The following MYOM3 variants were observed in gnomAD, a reference collection of about 807,000 sequenced individuals.
The protein encoded by MYOM3 is myomesin 3.
MYOM3 carries 155 observed loss-of-function variants against 191.7 expected under a neutral mutation model. The ratio of observed to expected loss-of-function variants is 0.81; its 90% CI spans 0.71 to 0.92. The LOEUF (loss-of-function observed/expected upper bound fraction) is 0.92, where lower values mean the gene tolerates loss of function less well. MYOM3 is among the 40% of genes least tolerant of loss of function. The pLI is 0.00. For synonymous variants in MYOM3, 757 were observed against 762.9 expected (o/e 0.99, Z 0.13); for missense variants, 1,889 against 1,890.6 (o/e 1.00, Z 0.02).
chr1:24,078,935 A>T (rs886212258), intron 20 of MYOM3, among the ~76,000 whole-genome samples: 3 of 152,192 alleles, frequency 2.0e-5, no homozygotes, highest in Non-Finnish European at 4.4e-5. Context: ...TACCTCCTGC[A>T]TGTGTGGAAG....
At chr1:24,066,477 C>T (rs1452826494) in intron 28 of MYOM3, 2 of 536,278 alleles carry the variant, frequency 3.7e-6, no homozygotes, top group Non-Finnish European at 6.7e-6. Flanking sequence ...CACCCACCCT[C>T]CCCTTCCCCA....
intron 15 of MYOM3, among the ~76,000 whole-genome samples, chr1:24,086,060 C>T (rs1208757838): frequency 6.6e-6 from 1 of 151,924 alleles, no homozygotes; most frequent in African/African-American, 2.4e-5. Flanking sequence ...AGGTGGGAGC[C>T]CTGGGAAGCT....
rs1643362957 is a variant in MYOM3 at position 24,060,985 on chromosome 1, A to T, written c.3994+75T>A. On this transcript the variant is annotated intron_variant, in intron 35 of 36. Coordinates refer to ENST00000374434, the MANE Select transcript of MYOM3 (RefSeq NM_152372.4). ...TGTGGAATGAGGCCTTCAGCAGCCC[A>T]CCAAGAGGGTTGAGCTTCCAGGAAG... 11 of 1,572,664 alleles carry T rather than the reference A, an allele frequency of 7.0e-6. No individual in the cohort carries two copies. The Admixed American group carries it at 1.7e-4, about 24-fold the overall frequency.
rs1643713021 is a variant in MYOM3, at chr1:24,084,586, C to T, written c.1852G>A (p.Val618Ile). 3.7e-6 allele frequency: 6 copies of T among 1,614,050 alleles called. No homozygotes were observed. The highest frequency in any genetic ancestry group is 5.1e-6 in the Non-Finnish European group (6 of 1,180,016). ...VQAFRDTQTS[V>I]SLTWDPVKDP... ...TTCACAGGATCCCATGTCAGGGAGA[C>T]AGAGGTCTGTGTGTCTCTGAAAGCT... The change falls in exon 16 of 37, where the codon GTC becomes ATC. Residue 618 changes from valine (V) to isoleucine (I), a missense_variant. By Grantham distance (29) the Val-to-Ile change is conservative. Transcript: ENST00000374434.
intron 10 of MYOM3, 117 bp downstream of exon 10, chr1:24,092,830 T>G: frequency 9.6e-7 from 1 of 1,044,516 alleles, no homozygotes; most frequent in Non-Finnish European, 1.3e-6. Flanking sequence ...GATTTTATGG[T>G]AGAGAAATTG....
chr1:24,063,981 T>C lies in MYOM3; in HGVS notation c.3622+91A>G. On this transcript the variant is annotated intron_variant, in intron 30 of 36. Coordinates refer to ENST00000374434, the MANE Select transcript of MYOM3 (RefSeq NM_152372.4). This position sits in a 1 kb window ranked among gnomAD's most constrained non-coding sequence, Gnocchi z 4.5. ...TGTGCCTCAATTTCTCCAAGTGACA[T>C]GGGGATCCCATAAATCTTACTGCAC... The C allele has an allele frequency of 2.1e-6, 2 of 958,876 alleles. No homozygotes were observed. The highest frequency in any genetic ancestry group is 3.2e-6 in the Non-Finnish European group (2 of 618,740). 59.4% of individuals were successfully genotyped at this position (958,876 alleles called of 1,614,324 possible). A position where few individuals can be genotyped will look rare whatever the true frequency, so the allele number is the denominator to read the frequency against.
intron 19 of MYOM3, 88 bp from the exon 20 acceptor site, chr1:24,080,282 C>G: frequency 3.8e-6 from 4 of 1,043,296 alleles, no homozygotes; most frequent in Non-Finnish European, 5.6e-6. Context: ...AGTCAGTCAA[C>G]AAGCTTGTCA....
chr1:24,090,392 C>A (rs924923143), intron 12 of MYOM3, among the ~76,000 whole-genome samples: 1 of 152,174 alleles, frequency 6.6e-6, no homozygotes, highest in Non-Finnish European at 1.5e-5. Flanking sequence ...GGGCACCCTG[C>A]CACGGTGGAG....
intron 18 of MYOM3, 174 bp from the exon 19 acceptor site, chr1:24,081,630 A>G: frequency 2.8e-6 from 2 of 723,492 alleles, no homozygotes; most frequent in Non-Finnish European, 2.2e-6. Flanking sequence ...TGGCATGAAC[A>G]TGGCTCACTG....
intron 28 of MYOM3, chr1:24,066,282 G>A (rs752020452): frequency 1.4e-5 from 10 of 712,618 alleles, no homozygotes; most frequent in Non-Finnish European, 2.3e-5. Flanking sequence ...CCTCCATCAC[G>A]ATTCATCAAT....
intron 26 of MYOM3, 79 bp from the exon 27 acceptor site, chr1:24,068,108 C>G (rs553557689): frequency 5.9e-5 from 88 of 1,481,218 alleles, no homozygotes; most frequent in Non-Finnish European, 7.8e-5. Context: ...GGACAGAAGT[C>G]GAGGGGGCTG....
In MYOM3 at chr1:24,092,252, T is replaced by C; in HGVS notation, c.1154A>G (p.Asn385Ser). 1 of 1,413,708 alleles carries C rather than the reference T, an allele frequency of 7.1e-7. No homozygotes were observed. Among genetic ancestry groups the C allele is most frequent in the Non-Finnish European group, 9.3e-7 (1 of 1,074,640 alleles). The allele number at this position is 1,413,708 out of a possible 1,614,324, so 87.6% of individuals were successfully genotyped here. A position where few individuals can be genotyped will look rare whatever the true frequency, so the allele number is the denominator to read the frequency against. Residue 385 changes from asparagine to serine, a missense_variant, in exon 11 of 37, where the codon AAC (asparagine) becomes AGC (serine). Physicochemically the swap from Asn to Ser is conservative, Grantham distance 46. Transcript: ENST00000374434. ...CCAAGTCAGGATGAGGCAGTCTCTG[T>C]TCACATCCAGGCATCGGACGTTCAG... The part of the protein sequence containing the change: ...SPLNVRCLDV[N>S]RDCLILTWAP...
rs1643791544 is a variant in MYOM3 at position 24,089,678 on chromosome 1, T to A, written c.1487-13A>T. On this transcript the variant is annotated splice_polypyrimidine_tract_variant and intron_variant, in intron 13 of 36. Transcript: ENST00000374434. ...ATGGTCACAGTATCTGAAATCAGAG[T>A]CACCCGGGACCGAGATGGTTGGACC... The A allele has an allele frequency of 2.5e-6, 4 of 1,568,954 alleles. No homozygotes were observed. The highest frequency in any genetic ancestry group is 3.5e-6 in the Non-Finnish European group (4 of 1,156,692).
At position 24,075,372 on chromosome 1, in the gene MYOM3, G is replaced by A. The variant is rs1643583668; in HGVS notation, c.2805C>T (p.Asp935=). ...TCTGGGGGTCCAGTGGGCCCTTGTAGTCTTTGGACCACTGAAACTCTGAGG... is the reference window on the plus strand; with the variant it reads ...TCTGGGGGTCCAGTGGGCCCTTGTAATCTTTGGACCACTGAAACTCTGAGG... ...PDSSEFQWSK[D]YKGPLDPQRV... is the part of the protein sequence containing the mutation. The change falls in exon 22 of 37, where the codon GAC becomes GAT. Residue 935 remains aspartate, a synonymous_variant. Coordinates refer to ENST00000374434, the MANE Select transcript of MYOM3 (RefSeq NM_152372.4). 1.2e-6 allele frequency: 2 copies of A among 1,613,006 alleles called. No homozygotes were observed. The highest frequency in any genetic ancestry group is 1.7e-6 in the Non-Finnish European group (2 of 1,179,824).
In MYOM3 at chr1:24,063,428, G is replaced by A; in HGVS notation, c.3661+64C>T. The A allele has an allele frequency of 1.9e-6, 3 of 1,593,724 alleles. No individual in the cohort carries two copies. Among genetic ancestry groups the A allele is most frequent in the African/African-American group, 1.3e-5 (1 of 74,614 alleles). ...CCCCCAATAGCCAAGGCCAGTGTTA[G>A]GCTGCTTGGAGGCTGTTGGGCATCA... On this transcript the variant is annotated intron_variant, in intron 31 of 36. Coordinates refer to ENST00000374434, the MANE Select transcript of MYOM3 (RefSeq NM_152372.4). This position sits in a 1 kb window ranked among gnomAD's most constrained non-coding sequence, Gnocchi z 4.5.
chr1:24,104,008 A>G lies in MYOM3; in HGVS notation c.560+1912T>C, dbSNP rs532722765. The stretch of plus-strand genomic sequence containing the variant: ...TCCTACCCTCTAGGCCAGCTGAAAG[A>G]GTTATGCGCTTAGAGGCAGGAGACC... On this transcript the variant is annotated intron_variant, in intron 5 of 36. Coordinates refer to ENST00000374434, the MANE Select transcript of MYOM3 (RefSeq NM_152372.4). Among the ~76,000 whole-genome samples, 32 of 152,282 alleles carry G rather than the reference A, an allele frequency of 2.1e-4. No homozygotes were observed. The South Asian group carries it at 6.4e-3, about 31-fold the overall frequency.
Position 24,090,884 on chromosome 1 carries a change from C to T in MYOM3, c.1345G>A (p.Ala449Thr), listed in dbSNP as rs202222369. 67 of 1,614,040 alleles carry T rather than the reference C, an allele frequency of 4.2e-5. No homozygotes were observed. The highest frequency in any genetic ancestry group is 5.7e-5 in the Non-Finnish European group (67 of 1,180,016). The change falls in exon 12 of 37, where the codon GCC becomes ACC. Residue 449 changes from alanine to threonine, a missense_variant. Ala to Thr is a moderately conservative substitution (Grantham distance 58). Transcript: ENST00000374434. ...ACGCTGCTGCCTACCCTGCTGATGG[C>T]TCTCACCCGGAACCGATAGCTCTGA... ...EGQSYRFRVR[A>T]ISRVGSSVPS... is the part of the protein sequence containing the mutation.
intron 2 of MYOM3, 108 bp from the exon 3 acceptor site, chr1:24,108,181 G>A: frequency 9.6e-7 from 1 of 1,046,542 alleles, no homozygotes; most frequent in Non-Finnish European, 1.4e-6. Context: ...AGCAGGCAGG[G>A]CTGTGCCTCC....
At position 24,111,070 on chromosome 1, in the gene MYOM3, AAT is replaced by A. The variant is rs1644034561; in HGVS notation, c.-19+959_-19+960del. Among the ~76,000 whole-genome samples the A allele has an allele frequency of 6.6e-6, 1 of 152,200 alleles. No homozygotes were observed. The highest frequency in any genetic ancestry group is 1.5e-5 in the Non-Finnish European group (1 of 68,034). The stretch of plus-strand genomic sequence containing the variant: ...CCCTGGCTTTAGCGGATGAGCTACC[AAT>A]TCTTTTTAAAGCACTGACTGATGCG... On this transcript the variant is annotated intron_variant, in intron 1 of 36. Transcript: ENST00000374434. The surrounding 1 kb of genome is among the most constrained non-coding windows in gnomAD (Gnocchi z 4.7).
Sources: allele counts gnomAD v4.1 joint callset (sites outside exome capture counted in the v4.1 genomes callset), GRCh38; gene constraint gnomAD v4.1.1; non-coding constraint Gnocchi (gnomAD v3.1); transcripts MANE v1.5; gene names NCBI Gene and HGNC (gene_info 2026-07-23, HGNC 2026-07-21).